Variants in CCDC198 observed in about 807,000 individuals in gnomAD.
CCDC198 encodes factor associated with metabolism and energy.
Under a neutral mutation model 35.6 loss-of-function variants are expected in CCDC198, and 18 were observed. The ratio of observed to expected loss-of-function variants is 0.51; its 90% CI spans 0.35 to 0.75. The LOEUF (loss-of-function observed/expected upper bound fraction) is 0.75. CCDC198 is among the 30% of genes least tolerant of loss of function. The pLI is 0.01. For missense variants in CCDC198, 365 were observed against 343.7 expected, an observed-to-expected ratio of 1.06 and a Z score of -0.49; for synonymous variants, 119 against 113.4, an observed-to-expected ratio of 1.05 and a Z score of -0.31.
chr14:57,493,151 C>T (rs2067633231), intron 1 of CCDC198, among the ~76,000 whole-genome samples: 1 of 152,116 alleles, frequency 6.6e-6, no homozygotes, highest in Non-Finnish European at 1.5e-5. Flanking sequence ...AACGCGATTG[C>T]TATCATTTAT....
intron 5 of CCDC198, chr14:57,475,360 A>T (rs1270275200): frequency 1.0e-6 from 1 of 995,820 alleles, no homozygotes; most frequent in African/African-American, 1.7e-5. Flanking sequence ...GTGGCCAGAT[A>T]AGACCAGAAT....
intron 2 of CCDC198, among the ~76,000 whole-genome samples, chr14:57,489,624 G>T (rs1233886224): frequency 6.6e-6 from 1 of 152,092 alleles, no homozygotes; most frequent in East Asian, 1.9e-4. Context: ...GTGTGTATGG[G>T]GGTGGTGGTG....
chr14:57,486,310 C>T (rs546834455), intron 2 of CCDC198, among the ~76,000 whole-genome samples: 18 of 152,218 alleles, frequency 1.2e-4, no homozygotes, highest in African/African-American at 4.1e-4. Flanking sequence ...TGGATAATTA[C>T]GAAGATTCCC....
intron 4 of CCDC198, among the ~76,000 whole-genome samples, chr14:57,481,276 G>A (rs961387249): frequency 1.3e-5 from 2 of 152,094 alleles, no homozygotes; most frequent in African/African-American, 4.8e-5. Flanking sequence ...AAATGATCTA[G>A]CCCCATTTTC....
chr14:57,480,763 C>G lies in CCDC198; in HGVS notation c.496-9G>C. On this transcript the variant is annotated splice_polypyrimidine_tract_variant and intron_variant, in intron 4 of 5. Coordinates refer to ENST00000216445, the MANE Select transcript of CCDC198 (RefSeq NM_018168.4). ...TTTAACTCCATTTGGGCCTGAAAATCATCAACTATAAATGATCAATGTTCT... is the reference window on the plus strand; with the variant it reads ...TTTAACTCCATTTGGGCCTGAAAATGATCAACTATAAATGATCAATGTTCT... 6.2e-7 allele frequency: 1 copy of G among 1,613,498 alleles called. No homozygotes were observed. Among genetic ancestry groups the G allele is most frequent in the Non-Finnish European group, 8.5e-7 (1 of 1,179,744 alleles).
At chr14:57,472,088 A>G (rs187020700) in intron 5 of CCDC198, among the ~76,000 whole-genome samples, 409 of 152,266 alleles carry the variant, frequency 2.7e-3, no homozygotes, top group Non-Finnish European at 3.8e-3. Context: ...TATGGTCTAT[A>G]TTCAAATATC....
In CCDC198 at chr14:57,478,773, A is replaced by G. The variant is rs570388805; in HGVS notation, c.655+1822T>C. 1.0e-3 allele frequency: 1,131 copies of G among 1,098,390 alleles called. 1 individual carries two copies. The highest frequency in any genetic ancestry group is 1.2e-3 in the Non-Finnish European group (1,081 of 890,498). 68.0% of individuals were successfully genotyped at this position (1,098,390 alleles called of 1,614,324 possible). The stretch of plus-strand genomic sequence containing the variant: ...AAGTATAGGTTAAATAGATGCCCCA[A>G]GTAGATTTTCAATTATTCAGCCTTT... On this transcript the variant is annotated intron_variant, in intron 5 of 5. Coordinates refer to ENST00000216445, the MANE Select transcript of CCDC198 (RefSeq NM_018168.4).
chr14:57,482,841 G>A (rs1248849054), intron 3 of CCDC198, among the ~76,000 whole-genome samples: 1 of 152,164 alleles, frequency 6.6e-6, no homozygotes, highest in Non-Finnish European at 1.5e-5. Flanking sequence ...GCAGAAAAGG[G>A]TGCAGAGCTC....
intron 5 of CCDC198, chr14:57,475,284 A>G (rs1415480430): frequency 1.3e-6 from 1 of 757,308 alleles, no homozygotes; most frequent in Non-Finnish European, 1.6e-6. Context: ...AAATAAATAA[A>G]TAAATAAATA....
At chr14:57,480,157 A>C (rs912057821) in intron 5 of CCDC198, 1 of 471,270 alleles carries the variant, frequency 2.1e-6, no homozygotes, top group Admixed American at 6.4e-5. Flanking sequence ...GAATGTGCCA[A>C]AGAGAGTTGA....
At position 57,493,763 on chromosome 14, in the gene CCDC198, G is replaced by C; in HGVS notation, c.-48C>G. On this transcript the variant is annotated 5_prime_UTR_variant, in exon 1 of 6. Coordinates refer to ENST00000216445, the MANE Select transcript of CCDC198 (RefSeq NM_018168.4). ...GAAAGCTGCGAGGGAAGTGGTTTTG[G>C]GGTCTTTAATATAGCTTATTTTAAT... The C allele has an allele frequency of 1.4e-6, 2 of 1,456,526 alleles. No homozygotes were observed. The highest frequency in any genetic ancestry group is 1.9e-6 in the Non-Finnish European group (2 of 1,051,984). 90.2% of individuals were successfully genotyped at this position (1,456,526 alleles called of 1,614,324 possible). A position where few individuals can be genotyped will look rare whatever the true frequency, so the allele number is the denominator to read the frequency against.
chr14:57,471,372 A>G lies in CCDC198; in HGVS notation c.874T>C (p.Phe292Leu), dbSNP rs749139861. The G allele has an allele frequency of 3.1e-6, 5 of 1,612,554 alleles. No homozygotes were observed. The East Asian group carries it at 1.1e-4, about 36-fold the overall frequency. The change falls in exon 6 of 6, where the codon TTT becomes CTT. Residue 292 changes from phenylalanine to leucine, a missense_variant. Transcript: ENST00000216445. ...TAGTATTCTTATTCTTGATCAAAAA[A>G]CTCATCGAAAAGTGGGATTCTCTCT... ...RTERIPLFDE[F>L]FDQE
rs1405846139 is a variant in CCDC198, at chr14:57,469,467, T to C, written c.*1888A>G. 1 of 152,204 alleles carries C rather than the reference T, an allele frequency of 6.6e-6. No individual in the cohort carries two copies. The highest frequency in any genetic ancestry group is 2.4e-5 in the African/African-American group (1 of 41,444). The allele number at this position is 152,204 out of a possible 1,614,324, so 9.4% of individuals were successfully genotyped here. On this transcript the variant is annotated 3_prime_UTR_variant, in exon 6 of 6. Coordinates refer to ENST00000216445, the MANE Select transcript of CCDC198 (RefSeq NM_018168.4). ...TTGAATTTTAAGTCACATAACAGAATGGTGAAGACGTGCCTTTGGCTCCAC... is the reference window on the plus strand; with the variant it reads ...TTGAATTTTAAGTCACATAACAGAACGGTGAAGACGTGCCTTTGGCTCCAC...
intron 2 of CCDC198, among the ~76,000 whole-genome samples, chr14:57,483,880 A>G (rs950423184): frequency 2.0e-5 from 3 of 152,370 alleles, no homozygotes; most frequent in African/African-American, 4.8e-5. Context: ...GTGTTCCTTC[A>G]GTGACTACTT....
At chr14:57,474,586 C>A (rs1449428422) in intron 5 of CCDC198, among the ~76,000 whole-genome samples, 2 of 152,184 alleles carry the variant, frequency 1.3e-5, no homozygotes, top group Non-Finnish European at 2.9e-5. Context: ...CTTTGTCACT[C>A]ATAAAGTATT....
intron 5 of CCDC198, among the ~76,000 whole-genome samples, chr14:57,474,753 G>A (rs535213173): frequency 8.3e-4 from 127 of 152,226 alleles, no homozygotes; most frequent in African/African-American, 1.1e-3. Flanking sequence ...AATGGGTTTC[G>A]GGTGAGCAGA....
chr14:57,485,776 G>A (rs1158574580), intron 2 of CCDC198, among the ~76,000 whole-genome samples: 1 of 152,186 alleles, frequency 6.6e-6, no homozygotes, highest in Non-Finnish European at 1.5e-5. Context: ...AGACAACAAG[G>A]GGGAAGAGCT....
intron 5 of CCDC198, chr14:57,478,540 T>C (rs2067077098): frequency 2.0e-6 from 2 of 986,550 alleles, no homozygotes; most frequent in African/African-American, 3.5e-5. Context: ...TGTGCCAGTT[T>C]CTCCTTGGTC....
intron 4 of CCDC198, among the ~76,000 whole-genome samples, 159 bp from the exon 5 acceptor site, chr14:57,480,913 G>T (rs2139503991): frequency 6.6e-6 from 1 of 152,266 alleles, no homozygotes; most frequent in African/African-American, 2.4e-5. Flanking sequence ...GAAGGTATGG[G>T]AACTTTATTT....
Sources: gnomAD v4.1 joint callset for allele counts (sites outside exome capture counted in the v4.1 genomes callset) on GRCh38, gnomAD v4.1.1 for gene constraint, MANE v1.5 for transcripts, NCBI Gene and HGNC (gene_info 2026-07-23, HGNC 2026-07-21) for gene names.